The following ACVR2A variants were observed in gnomAD, a reference collection of about 807,000 sequenced individuals.
The protein encoded by ACVR2A is activin receptor type-2A.
In ACVR2A, 7 loss-of-function variants were observed where a neutral mutation model predicts 61.4. That is an observed-to-expected ratio of 0.11 (90% CI 0.06 to 0.21). The LOEUF (loss-of-function observed/expected upper bound fraction) is 0.21. Among genes scored for constraint, ACVR2A ranks in the 10% least tolerant of loss-of-function variants. The pLI is 1.00. For missense variants in ACVR2A, 322 were observed against 621.7 expected, an observed-to-expected ratio of 0.52 and a Z score of 5.13; for synonymous variants, 193 against 208.3, an observed-to-expected ratio of 0.93 and a Z score of 0.63.
chr2:147,879,632 G>T (rs939836223), intron 1 of ACVR2A, among the ~76,000 whole-genome samples: 1 of 152,200 alleles, frequency 6.6e-6, no homozygotes, highest in Admixed American at 6.5e-5. Flanking sequence ...CATGTGAGTT[G>T]AGGCTAAAGA....
chr2:147,883,063 A>G (rs1402994606), intron 1 of ACVR2A, among the ~76,000 whole-genome samples: 1 of 152,252 alleles, frequency 6.6e-6, no homozygotes, highest in African/African-American at 2.4e-5. Context: ...GTTACCTTTC[A>G]TAATGCTTAA....
At chr2:147,859,111 A>G (rs1685659833) in intron 1 of ACVR2A, among the ~76,000 whole-genome samples, 1 of 152,156 alleles carries the variant, frequency 6.6e-6, no homozygotes, top group Non-Finnish European at 1.5e-5. Context: ...CTAATCCACA[A>G]TCCTGTTTTA....
At chr2:147,845,002 T>TTTTTTTTG (rs1685265150), upstream of ACVR2A, 1 of 94,114 alleles carries the variant, frequency 1.1e-5, no homozygotes, top group East Asian at 1.9e-4. Flanking sequence ...CAGTGAGCGT[T>TTTTTTTTG]TTTTTTTTTT....
intron 1 of ACVR2A, among the ~76,000 whole-genome samples, chr2:147,877,784 G>A (rs1686196039): frequency 1.3e-5 from 2 of 152,140 alleles, no homozygotes; most frequent in Non-Finnish European, 2.9e-5. Context: ...TAAACTAAAT[G>A]TGAGTAATAG....
intron 4 of ACVR2A, among the ~76,000 whole-genome samples, chr2:147,913,822 C>A (rs567237031): frequency 3.1e-3 from 192 of 61,768 alleles, no homozygotes; most frequent in Middle Eastern, 0.018. Context: ...AACTTGTAGA[C>A]AAAAAAAAAA....
intron 1 of ACVR2A, among the ~76,000 whole-genome samples, chr2:147,877,053 G>A (rs1686176763): frequency 6.6e-6 from 1 of 152,060 alleles, no homozygotes; most frequent in Non-Finnish European, 1.5e-5. Context: ...TTGATCGCAG[G>A]ATTTTATGCT....
chr2:147,902,031 A>G (rs779687695), intron 4 of ACVR2A, among the ~76,000 whole-genome samples: 4 of 152,020 alleles, frequency 2.6e-5, no homozygotes, highest in Non-Finnish European at 5.9e-5. Flanking sequence ...CTGTTAAGTT[A>G]TATTATACAT....
chr2:147,888,103 A>C (rs564246099), intron 1 of ACVR2A, among the ~76,000 whole-genome samples: 3 of 152,210 alleles, frequency 2.0e-5, no homozygotes, highest in East Asian at 1.9e-4. Flanking sequence ...GCCTTTGCTT[A>C]TTTGTCAAAA....
Position 147,908,075 on chromosome 2 carries a change from C to A in ACVR2A, c.529-7116C>A, listed in dbSNP as rs186087656. On this transcript the variant is annotated intron_variant, in intron 4 of 10. Coordinates refer to ENST00000241416, the MANE Select transcript of ACVR2A (RefSeq NM_001616.5). Reference sequence around the variant, plus strand: ...AAAAAGAAAAAAAAGAAAAAAAAAGCAAAGTAGGATAAAGAGATCAAAGTA... The same window carrying A: ...AAAAAGAAAAAAAAGAAAAAAAAAGAAAAGTAGGATAAAGAGATCAAAGTA... Among the ~76,000 whole-genome samples the A allele has an allele frequency of 9.3e-3, 1,360 of 146,290 alleles. 19 individuals are homozygous for A. Among genetic ancestry groups the A allele is most frequent in the African/African-American group, 0.032 (1,269 of 39,766 alleles).
At chr2:147,881,645 G>GTGTGTA (rs1246217172) in intron 1 of ACVR2A, among the ~76,000 whole-genome samples, 2 of 145,558 alleles carry the variant, frequency 1.4e-5, no homozygotes, top group Non-Finnish European at 1.5e-5. Context: ...GTGTGTGTAT[G>GTGTGTA]TGTGTGTGTG....
At chr2:147,926,772 G>T (rs962764892) in intron 10 of ACVR2A, among the ~76,000 whole-genome samples, 2 of 151,718 alleles carry the variant, frequency 1.3e-5, no homozygotes, top group Admixed American at 6.6e-5. Context: ...AAATTGGTAG[G>T]TCCCCTTTAT....
intron 1 of ACVR2A, among the ~76,000 whole-genome samples, chr2:147,857,946 T>A (rs1365599760): frequency 6.6e-6 from 1 of 152,126 alleles, no homozygotes; most frequent in African/African-American, 2.4e-5. Context: ...AGCCTAGTAC[T>A]CATTAGTTAT....
intron 1 of ACVR2A, among the ~76,000 whole-genome samples, chr2:147,851,291 T>A (rs1685444493): frequency 6.6e-6 from 1 of 152,092 alleles, no homozygotes; most frequent in Non-Finnish European, 1.5e-5. Flanking sequence ...GTTAAGAGTA[T>A]AGACTCTGGA....
intron 6 of ACVR2A, among the ~76,000 whole-genome samples, 149 bp from the exon 7 acceptor site, chr2:147,918,289 AATTTGAACC>A (rs1687301429): frequency 6.6e-6 from 1 of 152,022 alleles, no homozygotes; most frequent in African/African-American, 2.4e-5. Context: ...AATGGAAGGA[AATTTGAACC>A]ATTTGAACCA....
intron 1 of ACVR2A, among the ~76,000 whole-genome samples, chr2:147,895,539 A>G (rs919744929): frequency 1.3e-5 from 2 of 152,160 alleles, no homozygotes; most frequent in Non-Finnish European, 1.5e-5. Flanking sequence ...TGCTCCTGAG[A>G]AGAGAAAAGT....
intron 1 of ACVR2A, among the ~76,000 whole-genome samples, chr2:147,886,368 T>G (rs1171943445): frequency 1.3e-5 from 2 of 152,206 alleles, no homozygotes; most frequent in African/African-American, 4.8e-5. Context: ...AGGCACAAGT[T>G]TAGGAAAGAG....
intron 1 of ACVR2A, among the ~76,000 whole-genome samples, chr2:147,857,980 C>T (rs1685629782): frequency 6.6e-6 from 1 of 152,096 alleles, no homozygotes; most frequent in South Asian, 2.1e-4. Flanking sequence ...CTCCCTCCTC[C>T]CTCCCATAGG....
In ACVR2A at chr2:147,927,306, G is replaced by A; in HGVS notation, c.*32G>A. The A allele has an allele frequency of 6.3e-7, 1 of 1,576,290 alleles. No individual in the cohort carries two copies. The highest frequency in any genetic ancestry group is 8.6e-7 in the Non-Finnish European group (1 of 1,162,184). On this transcript the variant is annotated 3_prime_UTR_variant, in exon 11 of 11. Transcript: ENST00000241416. ...CGCCATCTGTGCACACTAAGAAATG[G>A]GACTCTGAACTGGAGCTGCTAAGCT...
At chr2:147,850,628 A>G (rs556490807) in intron 1 of ACVR2A, among the ~76,000 whole-genome samples, 20 of 152,176 alleles carry the variant, frequency 1.3e-4, no homozygotes, top group African/African-American at 4.8e-4. Flanking sequence ...GTTAGATTGT[A>G]AAATAGTCAT....
Sources: allele counts gnomAD v4.1 joint callset (sites outside exome capture counted in the v4.1 genomes callset), GRCh38; gene constraint gnomAD v4.1.1; transcripts MANE v1.5; gene names NCBI Gene and HGNC (gene_info 2026-07-23, HGNC 2026-07-21).